STAT4: variants seen among roughly 807,000 people sequenced by gnomAD.
The protein encoded by STAT4 is signal transducer and activator of transcription 4.
STAT4 carries 42 observed loss-of-function variants against 110.5 expected under a neutral mutation model. That is an observed-to-expected ratio of 0.38 (90% CI 0.30 to 0.49). The LOEUF is 0.49. STAT4 is among the 20% of genes least tolerant of loss of function. The pLI is 0.95. For synonymous variants in STAT4, 284 were observed against 302.2 expected, an observed-to-expected ratio of 0.94 and a Z score of 0.63; for missense variants, 632 against 887.9, an observed-to-expected ratio of 0.71 and a Z score of 3.66.
intron 3 of STAT4, among the ~76,000 whole-genome samples, chr2:191,137,069 G>T (rs1248408219): frequency 6.6e-6 from 1 of 152,136 alleles, no homozygotes; most frequent in Non-Finnish European, 1.5e-5. Context: ...GGCCAGGTGC[G>T]GTGTGGCTCA....
rs1375965587 is a variant in STAT4, at chr2:191,030,457, T to C, written c.2220+515A>G. Among the ~76,000 whole-genome samples, 1 of 152,234 alleles carries C rather than the reference T, an allele frequency of 6.6e-6. No homozygotes were observed. Among genetic ancestry groups the C allele is most frequent in the African/African-American group, 2.4e-5 (1 of 41,456 alleles). Reference sequence around the variant, plus strand: ...CAAAAAGGAGAGCATTATTATGCCATTGACTGTTATTCATATATTATTGAT... The same window carrying C: ...CAAAAAGGAGAGCATTATTATGCCACTGACTGTTATTCATATATTATTGAT... On this transcript the variant is annotated intron_variant, in intron 23 of 23. Transcript: ENST00000392320. This position sits in a 1 kb window ranked among gnomAD's most constrained non-coding sequence, Gnocchi z 4.4.
chr2:191,031,090 A>G lies in STAT4; in HGVS notation c.2112-10T>C, dbSNP rs765279203. 1.2e-6 allele frequency: 2 copies of G among 1,612,746 alleles called. No individual in the cohort carries two copies. Among genetic ancestry groups the G allele is most frequent in the Admixed American group, 1.7e-5 (1 of 59,976 alleles). On this transcript the variant is annotated splice_polypyrimidine_tract_variant and intron_variant, in intron 22 of 23. Transcript: ENST00000392320. This position sits in a 1 kb window ranked among gnomAD's most constrained non-coding sequence, Gnocchi z 4.8. Reference sequence around the variant, plus strand: ...TGTTGAATCACTTCGGCTTAAAGAGATAACAAGGTCAATATGGACAAGGAT... The same window carrying G: ...TGTTGAATCACTTCGGCTTAAAGAGGTAACAAGGTCAATATGGACAAGGAT...
Position 191,066,336 on chromosome 2 carries a change from G to T in STAT4, c.630+94C>A. On this transcript the variant is annotated intron_variant, in intron 7 of 23. Coordinates refer to ENST00000392320, the MANE Select transcript of STAT4 (RefSeq NM_003151.4). The surrounding 1 kb of genome is among the most constrained non-coding windows in gnomAD (Gnocchi z 4.3). ...GTTTCTTCATTCAGTAAATGGAACT[G>T]ATAAAATCTGACAGCTTGATTATTT... 1 of 1,138,782 alleles carries T rather than the reference G, an allele frequency of 8.8e-7. No individual in the cohort carries two copies. Among genetic ancestry groups the T allele is most frequent in the Non-Finnish European group, 1.3e-6 (1 of 777,866 alleles). The allele number at this position is 1,138,782 out of a possible 1,614,324, so 70.5% of individuals were successfully genotyped here. A position where few individuals can be genotyped will look rare whatever the true frequency, so the allele number is the denominator to read the frequency against.
At chr2:191,054,036 G>C (rs1696602629) in intron 14 of STAT4, among the ~76,000 whole-genome samples, 1 of 151,344 alleles carries the variant, frequency 6.6e-6, no homozygotes, top group South Asian at 2.1e-4. Context: ...GCTGAGGTGG[G>C]AGGTTCACTT....
intron 3 of STAT4, among the ~76,000 whole-genome samples, chr2:191,133,005 C>T (rs547358132): frequency 2.0e-5 from 3 of 151,520 alleles, no homozygotes; most frequent in East Asian, 1.9e-4. Context: ...CTGCCCACCT[C>T]GGCCTCCCAA....
chr2:191,066,354 G>T lies in STAT4; in HGVS notation c.630+76C>A. On this transcript the variant is annotated intron_variant, in intron 7 of 23. Coordinates refer to ENST00000392320, the MANE Select transcript of STAT4 (RefSeq NM_003151.4). The surrounding 1 kb of genome is among the most constrained non-coding windows in gnomAD (Gnocchi z 4.3). ...TGGAACTGATAAAATCTGACAGCTTGATTATTTTCAGTTAGTCTAAGTTTA... is the reference window on the plus strand; with the variant it reads ...TGGAACTGATAAAATCTGACAGCTTTATTATTTTCAGTTAGTCTAAGTTTA... The T allele has an allele frequency of 7.7e-7, 1 of 1,290,610 alleles. No homozygotes were observed. Among genetic ancestry groups the T allele is most frequent in the South Asian group, 1.2e-5 (1 of 80,566 alleles). 79.9% of individuals were successfully genotyped at this position (1,290,610 alleles called of 1,614,324 possible).
intron 3 of STAT4, among the ~76,000 whole-genome samples, chr2:191,102,853 G>C (rs114229484): frequency 0.028 from 4,212 of 152,214 alleles, 181 homozygotes; most frequent in African/African-American, 0.093. Flanking sequence ...TCAATTATCT[G>C]TGTGTTGGCG....
At chr2:191,109,078 C>A (rs1310057734) in intron 3 of STAT4, among the ~76,000 whole-genome samples, 1 of 152,190 alleles carries the variant, frequency 6.6e-6, no homozygotes, top group Non-Finnish European at 1.5e-5. Flanking sequence ...TTAAGTGTAT[C>A]TGCTACTGAG....
chr2:191,109,039 T>C lies in STAT4; in HGVS notation c.274-32714A>G, dbSNP rs1221564032. ...TTACTTTCCTATTTATCAAAGGCAC[T>C]TGCCAACTATCTGAATTGCAATGCA... On this transcript the variant is annotated intron_variant, in intron 3 of 23. Transcript: ENST00000392320. Among the ~76,000 whole-genome samples, 4 of 152,240 alleles carry C rather than the reference T, an allele frequency of 2.6e-5. No individual in the cohort carries two copies. In the East Asian group the frequency reaches 7.7e-4, roughly 29 times the overall value.
Position 191,032,838 on chromosome 2 carries a change from C to CT in STAT4, c.2044+119dup. ...TCTAAGGCTTTGACCTCCACATGCC[C>CT]TTAGATCTTACAGAAATCAGAGTAA... On this transcript the variant is annotated intron_variant, in intron 21 of 23. Coordinates refer to ENST00000392320, the MANE Select transcript of STAT4 (RefSeq NM_003151.4). The surrounding 1 kb of genome is among the most constrained non-coding windows in gnomAD (Gnocchi z 4.9). 9.2e-7 allele frequency: 1 copy of CT among 1,082,466 alleles called. No homozygotes were observed. Among genetic ancestry groups the CT allele is most frequent in the Non-Finnish European group, 1.3e-6 (1 of 760,498 alleles). 67.1% of individuals were successfully genotyped at this position (1,082,466 alleles called of 1,614,324 possible). A position where few individuals can be genotyped will look rare whatever the true frequency, so the allele number is the denominator to read the frequency against.
Position 191,086,362 on chromosome 2 carries a change from T to C in STAT4, c.274-10037A>G, listed in dbSNP as rs1697636134. On this transcript the variant is annotated intron_variant, in intron 3 of 23. Transcript: ENST00000392320. This position sits in a 1 kb window ranked among gnomAD's most constrained non-coding sequence, Gnocchi z 5.5. ...TCATACAACTATCTGCAAGCATAGA[T>C]AAATCCTTGGCTGGGCTTGAGGCTT... 6.6e-6 allele frequency among the ~76,000 whole-genome samples: 1 copy of C among 152,190 alleles called. No individual in the cohort carries two copies. Among genetic ancestry groups the C allele is most frequent in the Non-Finnish European group, 1.5e-5 (1 of 68,036 alleles).
At position 191,147,266 on chromosome 2, in the gene STAT4, A is replaced by C. The variant is rs1699486112; in HGVS notation, c.129-509T>G. ...TTGAACAACCCAAATGTCCATTGAC[A>C]GATACATTTATAAAACAAAATGTGA... On this transcript the variant is annotated intron_variant, in intron 2 of 23. Transcript: ENST00000392320. The surrounding 1 kb of genome is among the most constrained non-coding windows in gnomAD (Gnocchi z 4.1). 6.6e-6 allele frequency among the ~76,000 whole-genome samples: 1 copy of C among 152,340 alleles called. No individual in the cohort carries two copies. The highest frequency in any genetic ancestry group is 1.5e-5 in the Non-Finnish European group (1 of 68,020).
intron 4 of STAT4, among the ~76,000 whole-genome samples, chr2:191,075,697 T>C (rs569492676): frequency 2.7e-4 from 41 of 152,250 alleles, no homozygotes; most frequent in Admixed American, 2.4e-3. Flanking sequence ...GTAATTGTCT[T>C]AGCATGGGGG....
At position 191,090,741 on chromosome 2, in the gene STAT4, T is replaced by G. The variant is rs927095369; in HGVS notation, c.274-14416A>C. On this transcript the variant is annotated intron_variant, in intron 3 of 23. Coordinates refer to ENST00000392320, the MANE Select transcript of STAT4 (RefSeq NM_003151.4). This position sits in a 1 kb window ranked among gnomAD's most constrained non-coding sequence, Gnocchi z 4.2. The stretch of plus-strand genomic sequence containing the variant: ...ATGCCCGGCTAATTTTTTGTATTTT[T>G]AGTAGAGACAGGGTTTCACCGTGTT... Among the ~76,000 whole-genome samples, 1 of 152,046 alleles carries G rather than the reference T, an allele frequency of 6.6e-6. No individual in the cohort carries two copies. The highest frequency in any genetic ancestry group is 1.5e-5 in the Non-Finnish European group (1 of 68,006).
At chr2:191,123,280 G>A (rs1449228609) in intron 3 of STAT4, among the ~76,000 whole-genome samples, 1 of 152,176 alleles carries the variant, frequency 6.6e-6, no homozygotes, top group Non-Finnish European at 1.5e-5. Context: ...AGTTGGGGAT[G>A]GTTCAGAAAG....
Position 191,034,499 on chromosome 2 carries a change from A to G in STAT4, c.1620+49T>C, listed in dbSNP as rs757380228. 8 of 1,401,628 alleles carry G rather than the reference A, an allele frequency of 5.7e-6. No homozygotes were observed. The South Asian group carries it at 9.2e-5, about 16-fold the overall frequency. 86.8% of individuals were successfully genotyped at this position (1,401,628 alleles called of 1,614,324 possible). On this transcript the variant is annotated intron_variant, in intron 18 of 23. Transcript: ENST00000392320. ...TGTAGTAATAGACTTAGAAAGGAAC[A>G]TTGTATTAAAAAAATGTATCTAAAT...
intron 3 of STAT4, among the ~76,000 whole-genome samples, chr2:191,125,223 T>A (rs1698844038): frequency 6.6e-6 from 1 of 152,164 alleles, no homozygotes; most frequent in South Asian, 2.1e-4. Context: ...ATCTTTCTAC[T>A]GAGGCAGAGG....
At chr2:191,067,026 G>C (rs1426457831) in intron 6 of STAT4, among the ~76,000 whole-genome samples, 1 of 150,068 alleles carries the variant, frequency 6.7e-6, no homozygotes, top group East Asian at 2.0e-4. Context: ...AACTAATAAA[G>C]ACTAAGTTCT....
intron 3 of STAT4, among the ~76,000 whole-genome samples, chr2:191,137,280 C>T (rs1278899947): frequency 3.3e-5 from 5 of 152,016 alleles, no homozygotes; most frequent in Non-Finnish European, 7.4e-5. Context: ...TTGCAGTGAG[C>T]TGAGATTGTG....
Sources: gnomAD v4.1 joint callset for allele counts (sites outside exome capture counted in the v4.1 genomes callset) on GRCh38, gnomAD v4.1.1 for gene constraint, Gnocchi (gnomAD v3.1) non-coding constraint, MANE v1.5 for transcripts, NCBI Gene and HGNC (gene_info 2026-07-23, HGNC 2026-07-21) for gene names.